The following TMEM255B variants were observed in gnomAD, a reference collection of about 807,000 sequenced individuals.
The protein encoded by TMEM255B is family with sequence similarity 70, member B.
A neutral mutation model predicts 34.5 loss-of-function variants in TMEM255B; 35 were observed. That is an observed-to-expected ratio of 1.01 (90% CI 0.77 to 1.34). The LOEUF (loss-of-function observed/expected upper bound fraction) is 1.34, where lower values mean the gene tolerates loss of function less well. Ranked by LOEUF, TMEM255B falls within the 40% of genes most tolerant of loss-of-function variation. The probability of loss-of-function intolerance (pLI) is 0.00; values close to 1 mark genes in which losing one functional copy is unlikely to be tolerated. For synonymous variants in TMEM255B, 206 were observed against 201.2 expected (o/e 1.02, Z -0.20); for missense variants, 432 against 433.2 (o/e 1.00, Z 0.02).
At chr13:113,784,493 C>T (rs1012439287) in intron 3 of TMEM255B, among the ~76,000 whole-genome samples, 1 of 150,708 alleles carries the variant, frequency 6.6e-6, no homozygotes, top group African/African-American at 2.4e-5. Flanking sequence ...CAGACTGGAG[C>T]CACGTGAGGA....
chr13:113,805,790 G>A (rs550799945), intron 8 of TMEM255B, among the ~76,000 whole-genome samples: 10 of 152,278 alleles, frequency 6.6e-5, no homozygotes, highest in East Asian at 5.8e-4. Flanking sequence ...TGGACGTGCC[G>A]TGTGCCCCCG....
Position 113,782,192 on chromosome 13 carries a change from GTTTCT to G in TMEM255B, c.253-12952_253-12948del, listed in dbSNP as rs143963404. 3.0e-3 allele frequency among the ~76,000 whole-genome samples: 448 copies of G among 151,764 alleles called. 13 individuals carry two copies. The East Asian group carries it at 0.067, about 23-fold the overall frequency. ...TTCTTTATATCTCTCTTATTTCCTG[GTTTCT>G]TTTACCTTGTTTTATATAAAACCTT... On this transcript the variant is annotated intron_variant, in intron 3 of 8. Transcript: ENST00000375353.
At chr13:113,771,456 C>T (rs944155791) in intron 3 of TMEM255B, among the ~76,000 whole-genome samples, 22 of 152,052 alleles carry the variant, frequency 1.4e-4, no homozygotes, top group African/African-American at 4.3e-4. Context: ...CCAAGGTGGG[C>T]GGATCACGAG....
intron 3 of TMEM255B, among the ~76,000 whole-genome samples, chr13:113,791,198 T>C (rs769522608): frequency 6.6e-6 from 1 of 152,158 alleles, no homozygotes; most frequent in Non-Finnish European, 1.5e-5. Context: ...ATGGCATTCA[T>C]GAGGGGTTAC....
intron 1 of TMEM255B, among the ~76,000 whole-genome samples, chr13:113,761,778 C>T (rs1324914720): frequency 1.3e-5 from 2 of 152,204 alleles, no homozygotes; most frequent in East Asian, 3.8e-4. Flanking sequence ...TCATGATTTC[C>T]ATCCTACAGG....
At chr13:113,768,994 T>G in intron 2 of TMEM255B, 104 bp from the exon 3 acceptor site, 1 of 1,321,732 alleles carries the variant, frequency 7.6e-7, no homozygotes, top group Middle Eastern at 1.8e-4. Context: ...CCTTCGTCCC[T>G]GGATAAAATG....
Position 113,812,907 on chromosome 13 carries a change from AGGCCCCG to A in TMEM255B, c.*1007_*1013del, listed in dbSNP as rs1566341706. On this transcript the variant is annotated 3_prime_UTR_variant, in exon 9 of 9. Coordinates refer to ENST00000375353, the MANE Select transcript of TMEM255B (RefSeq NM_182614.4). ...GGGTCACAGGCCCCGGGTGAGTCAC[AGGCCCCG>A]GGTGAGTCACGGGTCCCGGGTGGGT... 2 of 150,928 alleles carry A rather than the reference AGGCCCCG, an allele frequency of 1.3e-5. No individual in the cohort carries two copies. Among genetic ancestry groups the A allele is most frequent in the Admixed American group, 6.9e-5 (1 of 14,436 alleles). 9.3% of individuals were successfully genotyped at this position (150,928 alleles called of 1,614,324 possible). A position where few individuals can be genotyped will look rare whatever the true frequency, so the allele number is the denominator to read the frequency against.
chr13:113,814,919 G>C lies in TMEM255B; in HGVS notation c.*3016G>C, dbSNP rs1220453812. ...CGGGGCAGGGGGTGCTGGGGGGTTT[G>C]GGGTGCTGTGGCCCCACCTGCACTC... On this transcript the variant is annotated 3_prime_UTR_variant, in exon 9 of 9. Transcript: ENST00000375353. 1.3e-5 allele frequency: 2 copies of C among 151,110 alleles called. No homozygotes were observed. The highest frequency in any genetic ancestry group is 4.9e-5 in the African/African-American group (2 of 41,060). 9.4% of individuals were successfully genotyped at this position (151,110 alleles called of 1,614,324 possible).
chr13:113,795,118 TGG>T lies in TMEM255B; in HGVS notation c.253-28_253-27del, dbSNP rs145270540. Reference sequence around the variant, plus strand: ...TTTGAAAACCGGGGTTGGTAAAAGCTGGGCACCCACACCTCTCCTTCTGTTGC... The same window carrying T: ...TTTGAAAACCGGGGTTGGTAAAAGCTGCACCCACACCTCTCCTTCTGTTGC... On this transcript the variant is annotated intron_variant, in intron 3 of 8. Coordinates refer to ENST00000375353, the MANE Select transcript of TMEM255B (RefSeq NM_182614.4). The T allele has an allele frequency of 1.7e-3, 2,688 of 1,611,098 alleles. 42 individuals carry two copies. The African/African-American group carries it at 0.033, about 20-fold the overall frequency.
At chr13:113,808,163 A>T (rs2051220660) in intron 8 of TMEM255B, among the ~76,000 whole-genome samples, 1 of 152,124 alleles carries the variant, frequency 6.6e-6, no homozygotes, top group Non-Finnish European at 1.5e-5. Context: ...AGGGTGTTCC[A>T]TGGAAGTCGT....
chr13:113,801,206 T>A (rs1188415857), intron 6 of TMEM255B, among the ~76,000 whole-genome samples: 1 of 152,132 alleles, frequency 6.6e-6, no homozygotes, highest in African/African-American at 2.4e-5. Context: ...AGACAGAGGC[T>A]CTGAAATGTT....
intron 2 of TMEM255B, among the ~76,000 whole-genome samples, chr13:113,767,648 C>T (rs561628877): frequency 6.6e-6 from 1 of 152,232 alleles, no homozygotes; most frequent in Non-Finnish European, 1.5e-5. Context: ...GCCTGTAGTA[C>T]AGACAGTTCT....
Position 113,811,517 on chromosome 13 carries a change from G to A in TMEM255B, c.814-219G>A, listed in dbSNP as rs574447654. On this transcript the variant is annotated intron_variant, in intron 8 of 8. Transcript: ENST00000375353. Reference sequence around the variant, plus strand: ...CCCGTGTGAATAGCCCTGGGTCTGCGGGGGGCCCTGTGTGAGTGGCCCTAG... The same window carrying A: ...CCCGTGTGAATAGCCCTGGGTCTGCAGGGGGCCCTGTGTGAGTGGCCCTAG... Among the ~76,000 whole-genome samples, 376 of 147,732 alleles carry A rather than the reference G, an allele frequency of 2.5e-3. 2 individuals carry two copies. Among genetic ancestry groups the A allele is most frequent in the African/African-American group, 8.8e-3 (346 of 39,240 alleles).
At position 113,795,109 on chromosome 13, in the gene TMEM255B, G is replaced by A. The variant is rs770300221; in HGVS notation, c.253-39G>A. On this transcript the variant is annotated intron_variant, in intron 3 of 8. Coordinates refer to ENST00000375353, the MANE Select transcript of TMEM255B (RefSeq NM_182614.4). ...TGGTTTGCGTTTGAAAACCGGGGTT[G>A]GTAAAAGCTGGGCACCCACACCTCT... The A allele has an allele frequency of 2.6e-5, 41 of 1,600,026 alleles. No individual in the cohort carries two copies. In the South Asian group the frequency reaches 4.2e-4, roughly 16 times the overall value.
At chr13:113,761,339 G>A in intron 1 of TMEM255B, 1 of 985,350 alleles carries the variant, frequency 1.0e-6, no homozygotes, top group Non-Finnish European at 1.2e-6. Flanking sequence ...AGCCTCGCGT[G>A]TCTTCCAGGT....
intron 1 of TMEM255B, among the ~76,000 whole-genome samples, chr13:113,760,152 C>G (rs963864487): frequency 1.3e-5 from 2 of 152,178 alleles, no homozygotes; most frequent in African/African-American, 4.8e-5. Context: ...CAGAAATAAT[C>G]CAACACAAAC....
rs926937312 is a variant in TMEM255B at position 113,769,832 on chromosome 13, A to C, written c.252+672A>C. ...GTGGCAGCCAGGATTGAATTTTAAG[A>C]GCAGGGTTTAGAGGGGAGGTGGTTG... On this transcript the variant is annotated intron_variant, in intron 3 of 8. Transcript: ENST00000375353. This position sits in a 1 kb window ranked among gnomAD's most constrained non-coding sequence, Gnocchi z 4.2. 6.5e-6 allele frequency: 1 copy of C among 152,716 alleles called. No homozygotes were observed. The highest frequency in any genetic ancestry group is 1.5e-5 in the Non-Finnish European group (1 of 68,446). The allele number at this position is 152,716 out of a possible 1,614,324, so 9.5% of individuals were successfully genotyped here. A position where few individuals can be genotyped will look rare whatever the true frequency, so the allele number is the denominator to read the frequency against.
rs2051350493 is a variant in TMEM255B at position 113,812,944 on chromosome 13, G to GCATCCCGA, written c.*1041_*1042insCATCCCGA. 2 of 146,688 alleles carry GCATCCCGA rather than the reference G, an allele frequency of 1.4e-5. No individual in the cohort carries two copies. The highest frequency in any genetic ancestry group is 5.2e-5 in the African/African-American group (2 of 38,266). The allele number at this position is 146,688 out of a possible 1,614,324, so 9.1% of individuals were successfully genotyped here. A position where few individuals can be genotyped will look rare whatever the true frequency, so the allele number is the denominator to read the frequency against. On this transcript the variant is annotated 3_prime_UTR_variant, in exon 9 of 9. Transcript: ENST00000375353. ...AGTCACGGGTCCCGGGTGGGTCACG[G>GCATCCCGA]GTCCCGGGTGGGTCACGGGCCCCGG... is the stretch of plus-strand genomic sequence containing the variant.
rs1415165439 is a variant in TMEM255B, at chr13:113,801,848, G to GGGT, written c.669+37_669+38insGTG. On this transcript the variant is annotated intron_variant, in intron 7 of 8. Coordinates refer to ENST00000375353, the MANE Select transcript of TMEM255B (RefSeq NM_182614.4). ...TTGGTGGGACCCCCGCTGCTCACTG[G>GGGT]GAGCCGGGGCTCCGGGTCCATTTCC... is the stretch of plus-strand genomic sequence containing the variant. 2.6e-6 allele frequency: 4 copies of GGGT among 1,538,584 alleles called. No individual in the cohort carries two copies. In the South Asian group the frequency reaches 4.9e-5, roughly 19 times the overall value.
Sources: allele counts gnomAD v4.1 joint callset (sites outside exome capture counted in the v4.1 genomes callset), GRCh38; gene constraint gnomAD v4.1.1; non-coding constraint Gnocchi (gnomAD v3.1); transcripts MANE v1.5; gene names NCBI Gene and HGNC (gene_info 2026-07-23, HGNC 2026-07-21).